COL4A3: variants seen among roughly 807,000 people sequenced by gnomAD.
COL4A3 encodes collagen type IV alpha 3 chain.
A neutral mutation model predicts 217.4 loss-of-function variants in COL4A3; 135 were observed. The ratio of observed to expected loss-of-function variants is 0.62; its 90% confidence interval spans 0.54 to 0.72. The LOEUF (loss-of-function observed/expected upper bound fraction) is 0.72, where lower values mean the gene tolerates loss of function less well. COL4A3 is among the 30% of genes least tolerant of loss of function. COL4A3 has a pLI of 0.00. For synonymous variants in COL4A3, 690 were observed against 736.3 expected, an observed-to-expected ratio of 0.94 and a Z score of 1.02; for missense variants, 1,868 against 2,119.9, an observed-to-expected ratio of 0.88 and a Z score of 2.33.
At chr2:227,247,617 T>C in intron 8 of COL4A3, 33 bp downstream of exon 8, 1 of 1,607,994 alleles carries the variant, frequency 6.2e-7, no homozygotes, top group South Asian at 1.1e-5. Context: ...TCACTGAAAA[T>C]CTCTAACTGT....
chr2:227,242,319 G>A (rs973591942), intron 3 of COL4A3, among the ~76,000 whole-genome samples: 1 of 152,194 alleles, frequency 6.6e-6, no homozygotes, highest in African/African-American at 2.4e-5. Context: ...GAGATACACA[G>A]GAGAAGGTCC....
chr2:227,202,745 AAATATAT>A (rs1336507589), intron 1 of COL4A3, among the ~76,000 whole-genome samples: 315 of 16,398 alleles, frequency 0.019, 13 homozygotes, highest in African/African-American at 0.048. Flanking sequence ...TAAAAAAAAA[AAATATAT>A]ATATATATAT....
chr2:227,285,654 C>A (rs2072273296), intron 34 of COL4A3, among the ~76,000 whole-genome samples: 1 of 152,192 alleles, frequency 6.6e-6, no homozygotes, highest in South Asian at 2.1e-4. Flanking sequence ...ATATCTCTGC[C>A]TACATAAGCA....
chr2:227,180,938 G>C (rs2065850118), intron 1 of COL4A3, among the ~76,000 whole-genome samples: 1 of 152,056 alleles, frequency 6.6e-6, no homozygotes, highest in Non-Finnish European at 1.5e-5. Context: ...TTTGCTGCTG[G>C]TATTTTCTAA....
rs149831144 is a variant in COL4A3, at chr2:227,192,430, A to G, written c.87+27617A>G. On this transcript the variant is annotated intron_variant, in intron 1 of 51. Transcript: ENST00000396578. ...TTCCTCAGACCCTGACCAGGGCAGGATGAAAACCAACCTTTTCATCTCTAC... is the reference window on the plus strand; with the variant it reads ...TTCCTCAGACCCTGACCAGGGCAGGGTGAAAACCAACCTTTTCATCTCTAC... Among the ~76,000 whole-genome samples, 7 of 29,744 alleles carry G rather than the reference A, an allele frequency of 2.4e-4. No individual in the cohort carries two copies. In the East Asian group the frequency reaches 0.016, roughly 67 times the overall value. The allele number at this position is 29,744 out of a possible 152,430, so 19.5% of individuals were successfully genotyped here.
At chr2:227,298,607 T>C in intron 42 of COL4A3, 75 bp from the exon 43 acceptor site, 2 of 1,594,892 alleles carry the variant, frequency 1.3e-6, no homozygotes, top group Non-Finnish European at 1.7e-6. Context: ...TATACTTCAT[T>C]AGAAACAATC....
chr2:227,267,625 C>T (rs941164912), intron 23 of COL4A3, among the ~76,000 whole-genome samples: 4 of 152,158 alleles, frequency 2.6e-5, no homozygotes, highest in South Asian at 2.1e-4. Flanking sequence ...TACATTTGAA[C>T]GGGCCAGCGG....
intron 49 of COL4A3, 50 bp downstream of exon 49, chr2:227,309,126 C>T (rs973401607): frequency 9.1e-5 from 146 of 1,608,628 alleles, no homozygotes; most frequent in Non-Finnish European, 1.2e-4. Context: ...GAATCACTTC[C>T]CTTGTAATGG....
chr2:227,292,513 C>G (rs1183493114), intron 37 of COL4A3, among the ~76,000 whole-genome samples: 1 of 152,184 alleles, frequency 6.6e-6, no homozygotes, highest in Non-Finnish European at 1.5e-5. Context: ...TTTATCATGT[C>G]AGCAAAATGA....
At chr2:227,245,065 AG>A (rs1279088507) in intron 5 of COL4A3, 70 bp downstream of exon 5, 329 of 1,469,344 alleles carry the variant, frequency 2.2e-4, no homozygotes, top group Non-Finnish European at 3.0e-4. Context: ...ATGTTAAAAC[AG>A]TCGTGCAAGA....
chr2:227,250,211 G>C lies in COL4A3; in HGVS notation c.547-929G>C, dbSNP rs973824583. 1.3e-5 allele frequency among the ~76,000 whole-genome samples: 2 copies of C among 151,982 alleles called. No individual in the cohort carries two copies. Among genetic ancestry groups the C allele is most frequent in the Non-Finnish European group, 2.9e-5 (2 of 68,002 alleles). On this transcript the variant is annotated intron_variant, in intron 9 of 51. Transcript: ENST00000396578. This position sits in a 1 kb window ranked among gnomAD's most constrained non-coding sequence, Gnocchi z 4.1. ...GCCTGTAGTTCCAGCTACTTGGGAG[G>C]CTGAGGCAGGAGAATCACTTGAACC...
At position 227,281,026 on chromosome 2, in the gene COL4A3, A is replaced by C. The variant is rs1224787070; in HGVS notation, c.2488+20A>C. The stretch of plus-strand genomic sequence containing the variant: ...AACAAGGTAGGAGGAGGGCCTCAAA[A>C]CTGGCCACCAGAAGGGCAGGAGACA... On this transcript the variant is annotated intron_variant, in intron 31 of 51. Coordinates refer to ENST00000396578, the MANE Select transcript of COL4A3 (RefSeq NM_000091.5). 2.7e-6 allele frequency: 4 copies of C among 1,479,938 alleles called. No homozygotes were observed. The highest frequency in any genetic ancestry group is 3.7e-6 in the Non-Finnish European group (4 of 1,081,554). The allele number at this position is 1,479,938 out of a possible 1,614,324, so 91.7% of individuals were successfully genotyped here.
At position 227,312,139 on chromosome 2, in the gene COL4A3, C is replaced by G. The variant is rs965954894; in HGVS notation, c.*269C>G. On this transcript the variant is annotated 3_prime_UTR_variant, in exon 52 of 52. Transcript: ENST00000396578. The stretch of plus-strand genomic sequence containing the variant: ...CACCAAAAACCTATTCCACTTACAT[C>G]CAAGGCACTGTCACTACGGTGATTG... 1 of 446,240 alleles carries G rather than the reference C, an allele frequency of 2.2e-6. No homozygotes were observed. The highest frequency in any genetic ancestry group is 7.0e-4 in the Middle Eastern group (1 of 1,422). The allele number at this position is 446,240 out of a possible 1,614,324, so 27.6% of individuals were successfully genotyped here.
rs764659723 is a variant in COL4A3 at position 227,261,098 on chromosome 2, C to T, written c.1131C>T (p.Pro377=). Residue 377 remains proline (P), a synonymous_variant, in exon 20 of 52, where the codon CCC becomes CCT. Transcript: ENST00000396578. ...ARGPQGPSGP[P]GVPGSPGSSR... ...TATTCCCAGGTCCCAGTGGTCCCCC[C>T]GGAGTTCCTGGAAGTCCTGGTATGT... 1.3e-5 allele frequency: 21 copies of T among 1,611,866 alleles called. No individual in the cohort carries two copies. The highest frequency in any genetic ancestry group is 3.3e-5 in the South Asian group (3 of 91,020).
At chr2:227,284,001 T>C (rs1448397496) in intron 33 of COL4A3, 145 bp downstream of exon 33, 1 of 980,124 alleles carries the variant, frequency 1.0e-6, no homozygotes, top group Non-Finnish European at 1.5e-6. Context: ...TATGTTCCTT[T>C]TCTCCATTTG....
chr2:227,274,360 G>C (rs1322941028), intron 26 of COL4A3, among the ~76,000 whole-genome samples: 1 of 151,968 alleles, frequency 6.6e-6, no homozygotes, highest in East Asian at 1.9e-4. Context: ...CTTTTTGAGT[G>C]CACAACCTTA....
At position 227,308,978 on chromosome 2, in the gene COL4A3, A is replaced by G. The variant is rs1438859903; in HGVS notation, c.4542A>G (p.Ala1514=). Residue 1514 remains alanine, a synonymous_variant, in exon 49 of 52, where the codon GCA becomes GCG. Coordinates refer to ENST00000396578, the MANE Select transcript of COL4A3 (RefSeq NM_000091.5). ...FCNVNDVCNF[A]SRNDYSYWLS... ...ATGTCAATGATGTATGTAATTTTGC[A>G]TCTCGAAATGATTATTCATACTGGC... 6.2e-7 allele frequency: 1 copy of G among 1,614,216 alleles called. No individual in the cohort carries two copies. Among genetic ancestry groups the G allele is most frequent in the Non-Finnish European group, 8.5e-7 (1 of 1,180,028 alleles).
rs2065137893 is a variant in COL4A3, at chr2:227,164,695, G to A, written c.-32G>A. The A allele has an allele frequency of 6.5e-7, 1 of 1,530,046 alleles. No individual in the cohort carries two copies. Among genetic ancestry groups the A allele is most frequent in the African/African-American group, 1.4e-5 (1 of 72,346 alleles). 94.8% of individuals were successfully genotyped at this position (1,530,046 alleles called of 1,614,324 possible). A position where few individuals can be genotyped will look rare whatever the true frequency, so the allele number is the denominator to read the frequency against. On this transcript the variant is annotated 5_prime_UTR_variant, in exon 1 of 52. Coordinates refer to ENST00000396578, the MANE Select transcript of COL4A3 (RefSeq NM_000091.5). The surrounding 1 kb of genome is among the most constrained non-coding windows in gnomAD (Gnocchi z 4.8). ...GTGGCCTGAGAGCCTGAGGGTCCCC[G>A]GACTCGCCCAGGCTCTGAGCGCGCG...
At chr2:227,229,845 G>A (rs10221804) in intron 1 of COL4A3, among the ~76,000 whole-genome samples, 62,697 of 151,632 alleles carry the variant, frequency 0.41, 13,197 homozygotes, top group African/African-American at 0.44. Context: ...TCAGGAGATC[G>A]AGACCATCCT....
Sources: gnomAD v4.1 joint callset for allele counts (sites outside exome capture counted in the v4.1 genomes callset) on GRCh38, gnomAD v4.1.1 for gene constraint, Gnocchi (gnomAD v3.1) non-coding constraint, MANE v1.5 for transcripts, NCBI Gene and HGNC (gene_info 2026-07-23, HGNC 2026-07-21) for gene names.